The following KCNK9 variants were observed in gnomAD, a reference collection of about 807,000 sequenced individuals.
KCNK9 encodes the protein potassium two pore domain channel subfamily K member 9.
KCNK9 carries 1 observed loss-of-function variant against 10.8 expected under a neutral mutation model. The ratio of observed to expected loss-of-function variants is 0.09; its 90% confidence interval spans 0.03 to 0.44. The LOEUF (loss-of-function observed/expected upper bound fraction) is 0.44, where lower values mean the gene tolerates loss of function less well. Among genes scored for constraint, KCNK9 ranks in the 20% least tolerant of loss-of-function variants. The probability of loss-of-function intolerance (pLI) is 0.97; values close to 1 mark genes in which losing one functional copy is unlikely to be tolerated. For missense variants in KCNK9, 303 were observed against 515.0 expected, an observed-to-expected ratio of 0.59 and a Z score of 3.98; for synonymous variants, 231 against 222.7, an observed-to-expected ratio of 1.04 and a Z score of -0.33.
At chr8:139,629,599 T>A (rs1194541200) in intron 1 of KCNK9, among the ~76,000 whole-genome samples, 3 of 152,058 alleles carry the variant, frequency 2.0e-5, no homozygotes, top group Non-Finnish European at 4.4e-5. Flanking sequence ...TAACAAAATA[T>A]TATACCACAG....
rs1201761004 is a variant in KCNK9 at position 139,693,956 on chromosome 8, A to G, written c.283+8754T>C. Among the ~76,000 whole-genome samples the G allele has an allele frequency of 6.6e-6, 1 of 152,120 alleles. No individual in the cohort carries two copies. The highest frequency in any genetic ancestry group is 2.4e-5 in the African/African-American group (1 of 41,428). The stretch of plus-strand genomic sequence containing the variant: ...ACTCCTTGAATGAGCCAGGGCTTGT[A>G]TTCCAGTCCATAGCAATCCAACACA... On this transcript the variant is annotated intron_variant, in intron 1 of 1. Coordinates refer to ENST00000520439, the MANE Select transcript of KCNK9 (RefSeq NM_001282534.2). This position sits in a 1 kb window ranked among gnomAD's most constrained non-coding sequence, Gnocchi z 4.1.
intron 1 of KCNK9, among the ~76,000 whole-genome samples, chr8:139,675,389 G>A (rs1262244174): frequency 1.3e-5 from 2 of 152,126 alleles, no homozygotes; most frequent in Non-Finnish European, 2.9e-5. Flanking sequence ...ATCCCAATGT[G>A]ACAGCATTAG....
At chr8:139,667,708 G>T (rs1185090778) in intron 1 of KCNK9, among the ~76,000 whole-genome samples, 1 of 151,446 alleles carries the variant, frequency 6.6e-6, no homozygotes, top group East Asian at 1.9e-4. Flanking sequence ...AAAAAAAAAT[G>T]GTCCTCACAA....
At chr8:139,637,853 G>C (rs1316742746) in intron 1 of KCNK9, among the ~76,000 whole-genome samples, 1 of 151,002 alleles carries the variant, frequency 6.6e-6, no homozygotes, top group Non-Finnish European at 1.5e-5. Context: ...GAACCCAGCA[G>C]CAGACCTCAC....
At chr8:139,690,867 T>C (rs1816921253) in intron 1 of KCNK9, among the ~76,000 whole-genome samples, 1 of 152,196 alleles carries the variant, frequency 6.6e-6, no homozygotes, top group African/African-American at 2.4e-5. Flanking sequence ...GGATGAAAGA[T>C]GGTTGTGGAT....
intron 1 of KCNK9, among the ~76,000 whole-genome samples, chr8:139,634,729 C>T (rs1370592942): frequency 1.3e-5 from 2 of 152,122 alleles, no homozygotes; most frequent in East Asian, 1.9e-4. Context: ...GAGGCTCGCA[C>T]GGGTGCCTCC....
intron 1 of KCNK9, among the ~76,000 whole-genome samples, chr8:139,636,262 C>T (rs1815336547): frequency 6.6e-6 from 1 of 152,250 alleles, no homozygotes; most frequent in South Asian, 2.1e-4. Flanking sequence ...GCTAAGTACC[C>T]TGTCACAGTT....
intron 2 of KCNK9, among the ~76,000 whole-genome samples, chr8:139,604,340 A>C (rs2130073081): frequency 6.6e-6 from 1 of 152,296 alleles, no homozygotes; most frequent in Middle Eastern, 3.4e-3. Flanking sequence ...GCAGATGGTG[A>C]TCAGTGCTAG....
chr8:139,645,096 CAAAG>C (rs1815634427), intron 1 of KCNK9, among the ~76,000 whole-genome samples: 1 of 152,168 alleles, frequency 6.6e-6, no homozygotes, highest in Admixed American at 6.5e-5. Flanking sequence ...CCAGAATTAA[CAAAG>C]AGAGTGCAAG....
intron 1 of KCNK9, among the ~76,000 whole-genome samples, chr8:139,663,661 G>GTGTGTGTA (rs1284395020): frequency 6.6e-6 from 1 of 151,188 alleles, no homozygotes; most frequent in Non-Finnish European, 1.5e-5. Flanking sequence ...GTGTGTGTGT[G>GTGTGTGTA]TGTGTGTGTG....
chr8:139,627,541 C>T (rs967545078), intron 1 of KCNK9, among the ~76,000 whole-genome samples: 1 of 152,178 alleles, frequency 6.6e-6, no homozygotes, highest in Admixed American at 6.5e-5. Flanking sequence ...ATCCCGACCC[C>T]GATCTCAGAG....
chr8:139,649,802 G>A (rs1001292039), intron 1 of KCNK9, among the ~76,000 whole-genome samples: 1 of 152,200 alleles, frequency 6.6e-6, no homozygotes, highest in African/African-American at 2.4e-5. Context: ...AATATTTACT[G>A]AGCACCTAAC....
At chr8:139,681,207 A>G (rs1023742711) in intron 1 of KCNK9, among the ~76,000 whole-genome samples, 5 of 152,210 alleles carry the variant, frequency 3.3e-5, no homozygotes, top group African/African-American at 9.7e-5. Context: ...CCCATTTTAC[A>G]TATGGAAACA....
chr8:139,614,114 C>A (rs956770430), downstream of KCNK9, among the ~76,000 whole-genome samples: 2 of 152,218 alleles, frequency 1.3e-5, no homozygotes, highest in Admixed American at 6.5e-5. Context: ...CTCTGAGAAA[C>A]CCTGTTCTTC....
At chr8:139,692,536 G>C (rs534859646) in intron 1 of KCNK9, among the ~76,000 whole-genome samples, 35 of 152,214 alleles carry the variant, frequency 2.3e-4, no homozygotes, top group African/African-American at 8.2e-4. Context: ...AATACCTATG[G>C]CCTGAACATT....
At chr8:139,625,887 G>T (rs537981210) in intron 1 of KCNK9, among the ~76,000 whole-genome samples, 11 of 152,288 alleles carry the variant, frequency 7.2e-5, no homozygotes, top group African/African-American at 2.6e-4. Context: ...ACTCCCCAGT[G>T]GCTCCTGCAA....
chr8:139,653,008 C>A lies in KCNK9; in HGVS notation c.284-33909G>T, dbSNP rs1815913627. ...CAGTGCTGACAATTTGCTGCTGTCC[C>A]CAATGATGCACCTTGTAGGGGCCCC... On this transcript the variant is annotated intron_variant, in intron 1 of 1. Coordinates refer to ENST00000520439, the MANE Select transcript of KCNK9 (RefSeq NM_001282534.2). Among the ~76,000 whole-genome samples the A allele has an allele frequency of 2.0e-5, 3 of 152,206 alleles. 1 individual carries two copies. The South Asian group carries it at 6.2e-4, about 31-fold the overall frequency.
intron 1 of KCNK9, among the ~76,000 whole-genome samples, chr8:139,656,877 A>T (rs1368926519): frequency 6.6e-6 from 1 of 152,008 alleles, no homozygotes; most frequent in African/African-American, 2.4e-5. Flanking sequence ...CTCCAACACA[A>T]ATCAGATCCT....
intron 1 of KCNK9, among the ~76,000 whole-genome samples, chr8:139,622,347 C>T (rs1351225186): frequency 6.6e-6 from 1 of 152,152 alleles, no homozygotes; most frequent in Non-Finnish European, 1.5e-5. Flanking sequence ...ACAGGGTATC[C>T]TCCACTGTCC....
Sources: gnomAD v4.1 joint callset for allele counts (sites outside exome capture counted in the v4.1 genomes callset) on GRCh38, gnomAD v4.1.1 for gene constraint, Gnocchi (gnomAD v3.1) non-coding constraint, MANE v1.5 for transcripts, NCBI Gene and HGNC (gene_info 2026-07-23, HGNC 2026-07-21) for gene names.